Variants in CCDC91 observed in about 807,000 individuals in gnomAD.
The protein encoded by CCDC91 is coiled-coil domain containing 91, also known as coiled-coil domain-containing protein 91.
Under a neutral mutation model 63.2 loss-of-function variants are expected in CCDC91, and 48 were observed. The observed-to-expected ratio is 0.76, with a 90% CI of 0.60 to 0.97. The LOEUF is 0.97. Among genes scored for constraint, CCDC91 ranks in the 50% least tolerant of loss-of-function variants. CCDC91 has a pLI of 0.00. For synonymous variants in CCDC91, 167 were observed against 165.8 expected (o/e 1.01, Z -0.06); for missense variants, 500 against 494.6 (o/e 1.01, Z -0.10).
chr12:28,252,602 T>G (rs1946196595), intron 1 of CCDC91, among the ~76,000 whole-genome samples: 1 of 152,120 alleles, frequency 6.6e-6, no homozygotes, highest in African/African-American at 2.4e-5. Flanking sequence ...TTTTCTCCCC[T>G]GAAATTAGGG....
chr12:28,341,080 C>T (rs910116668), intron 6 of CCDC91, among the ~76,000 whole-genome samples: 13 of 152,142 alleles, frequency 8.5e-5, no homozygotes, highest in African/African-American at 2.9e-4. Flanking sequence ...TTCTGCCAGT[C>T]GATGGTCTGC....
intron 11 of CCDC91, among the ~76,000 whole-genome samples, chr12:28,478,883 T>C (rs572939696): frequency 3.9e-5 from 6 of 152,160 alleles, no homozygotes; most frequent in Non-Finnish European, 8.8e-5. Context: ...CACTGGCCAT[T>C]AGAGAAATGC....
At position 28,496,897 on chromosome 12, in the gene CCDC91, G is replaced by A. The variant is rs1228122962; in HGVS notation, c.1215+12732G>A. Among the ~76,000 whole-genome samples, 3 of 144,114 alleles carry A rather than the reference G, an allele frequency of 2.1e-5. No homozygotes were observed. In the East Asian group the frequency reaches 6.1e-4, roughly 29 times the overall value. The allele number at this position is 144,114 out of a possible 152,430, so 94.5% of individuals were successfully genotyped here. ...ATATATGTATATATGTAGATATAAG[G>A]TATATATACACACATATATAAGGTA... On this transcript the variant is annotated intron_variant, in intron 12 of 12. Coordinates refer to ENST00000536442, the MANE Select transcript of CCDC91 (RefSeq NM_018318.5).
chr12:28,276,234 T>TA (rs1287261936), intron 3 of CCDC91, among the ~76,000 whole-genome samples: 1 of 152,066 alleles, frequency 6.6e-6, no homozygotes, highest in Non-Finnish European at 1.5e-5. Context: ...TTTAATCATG[T>TA]AATATATATG....
At chr12:28,264,087 TGAAA>T (rs761457233) in intron 3 of CCDC91, among the ~76,000 whole-genome samples, 2 of 151,820 alleles carry the variant, frequency 1.3e-5, no homozygotes, top group Non-Finnish European at 2.9e-5. Context: ...ACAGATTTTC[TGAAA>T]GAAACAACAG....
At chr12:28,526,157 G>GT (rs576086540) in intron 12 of CCDC91, among the ~76,000 whole-genome samples, 1,838 of 142,014 alleles carry the variant, frequency 0.013, 11 homozygotes, top group Middle Eastern at 0.026. Flanking sequence ...GTATACCTTG[G>GT]TTTTTTTTTT....
chr12:28,538,606 G>A (rs1349138119), intron 12 of CCDC91, among the ~76,000 whole-genome samples: 4 of 151,940 alleles, frequency 2.6e-5, no homozygotes, highest in African/African-American at 2.4e-5. Flanking sequence ...ATTTATAATC[G>A]TCTGGGTATA....
chr12:28,412,997 C>G (rs1947414133), intron 8 of CCDC91: 1 of 256,832 alleles, frequency 3.9e-6, no homozygotes, highest in African/African-American at 2.3e-5. Context: ...CCAGTGGAAT[C>G]TATATTAATA....
At chr12:28,199,543 T>A (rs1227451910) in intron 1 of CCDC91, among the ~76,000 whole-genome samples, 1 of 152,244 alleles carries the variant, frequency 6.6e-6, no homozygotes, top group Non-Finnish European at 1.5e-5. Context: ...CCAGTGTTCT[T>A]AATTTCTTTA....
At chr12:28,244,679 C>T (rs1196786292) in intron 1 of CCDC91, among the ~76,000 whole-genome samples, 2 of 151,446 alleles carry the variant, frequency 1.3e-5, no homozygotes, top group East Asian at 3.9e-4. Flanking sequence ...CTTAATTAGG[C>T]AGTCAGTTGG....
At chr12:28,309,172 T>A (rs76272999) in intron 6 of CCDC91, among the ~76,000 whole-genome samples, 2,996 of 152,018 alleles carry the variant, frequency 0.02, 110 homozygotes, top group African/African-American at 0.07. Context: ...AACTTGGAAA[T>A]AAGAAAAACG....
In CCDC91 at chr12:28,363,746, G is replaced by A. The variant is rs568965270; in HGVS notation, c.654+1231G>A. Among the ~76,000 whole-genome samples the A allele has an allele frequency of 2.2e-4, 34 of 151,644 alleles. No homozygotes were observed. The East Asian group carries it at 5.3e-3, about 23-fold the overall frequency. ...CAAAAAATTAGCCGGGCATGGTGGC[G>A]GGTGCCTGTAGTCCCAGCTATTCGG... On this transcript the variant is annotated intron_variant, in intron 7 of 12. Transcript: ENST00000536442.
intron 6 of CCDC91, among the ~76,000 whole-genome samples, chr12:28,338,849 T>C (rs746124245): frequency 6.6e-5 from 10 of 152,092 alleles, no homozygotes; most frequent in Non-Finnish European, 1.3e-4. Flanking sequence ...TTTCTTTCTT[T>C]CTTTTTTTTG....
intron 3 of CCDC91, among the ~76,000 whole-genome samples, chr12:28,267,240 T>C (rs1224898740): frequency 1.3e-5 from 2 of 151,914 alleles, no homozygotes; most frequent in Non-Finnish European, 2.9e-5. Flanking sequence ...GTCGTGTCTA[T>C]TTTTTTAAAT....
chr12:28,197,230 A>G (rs1315299491), intron 1 of CCDC91, among the ~76,000 whole-genome samples: 1 of 152,224 alleles, frequency 6.6e-6, no homozygotes, highest in East Asian at 1.9e-4. Context: ...CATCACCTTA[A>G]GGTAGAATCT....
chr12:28,306,720 T>A, intron 4 of CCDC91, 22 bp from the exon 5 acceptor site: 1 of 564,746 alleles, frequency 1.8e-6, no homozygotes, highest in Non-Finnish European at 2.5e-6. Context: ...CTCTTGTGTA[T>A]TTTTTTTTTT....
chr12:28,256,247 C>A (rs1350769834), intron 1 of CCDC91, among the ~76,000 whole-genome samples: 1 of 152,018 alleles, frequency 6.6e-6, no homozygotes, highest in Non-Finnish European at 1.5e-5. Flanking sequence ...GAAAAATAAA[C>A]CAATTATTAC....
chr12:28,522,278 A>G (rs1329079415), intron 12 of CCDC91, among the ~76,000 whole-genome samples: 3 of 152,128 alleles, frequency 2.0e-5, no homozygotes, highest in Non-Finnish European at 2.9e-5. Context: ...CGGGGATTCA[A>G]CTTCTTCCTG....
intron 12 of CCDC91, among the ~76,000 whole-genome samples, chr12:28,529,621 C>T (rs531909764): frequency 1.8e-4 from 27 of 152,136 alleles, no homozygotes; most frequent in African/African-American, 6.0e-4. Context: ...GCCGAAGAAG[C>T]GCTTTGAGAT....
Sources: gnomAD v4.1 joint callset for allele counts (sites outside exome capture counted in the v4.1 genomes callset) on GRCh38, gnomAD v4.1.1 for gene constraint, MANE v1.5 for transcripts, NCBI Gene and HGNC (gene_info 2026-07-23, HGNC 2026-07-21) for gene names.